Variants in PRORP observed in about 807,000 individuals in gnomAD.
The protein encoded by PRORP is mitochondrial ribonuclease P catalytic subunit.
PRORP carries 51 observed loss-of-function variants against 59.4 expected under a neutral mutation model. The ratio of observed to expected loss-of-function variants is 0.86; its 90% CI spans 0.69 to 1.08. The LOEUF (loss-of-function observed/expected upper bound fraction) is 1.08. Ranked by LOEUF, PRORP falls within the 50% of genes least tolerant of loss-of-function variation. The pLI, the probability that PRORP is intolerant of heterozygous loss-of-function variation, is 0.00. For missense variants in PRORP, 646 were observed against 690.3 expected (o/e 0.94, Z 0.72); for synonymous variants, 231 against 245.6 (o/e 0.94, Z 0.55).
chr14:35,199,702 A>G (rs1191553196), intron 5 of PRORP, among the ~76,000 whole-genome samples: 2 of 152,208 alleles, frequency 1.3e-5, no homozygotes, highest in African/African-American at 4.8e-5. Context: ...TGTTCTTTAT[A>G]AATTACCTAG....
chr14:35,176,125 G>A (rs1306769686), intron 4 of PRORP, among the ~76,000 whole-genome samples: 3 of 152,174 alleles, frequency 2.0e-5, no homozygotes, highest in African/African-American at 4.8e-5. Context: ...CCAGTACCAT[G>A]CTGTTTTGGT....
intron 5 of PRORP, among the ~76,000 whole-genome samples, chr14:35,197,085 A>G (rs2049027206): frequency 6.6e-6 from 1 of 152,210 alleles, no homozygotes; most frequent in Non-Finnish European, 1.5e-5. Flanking sequence ...TTTGAACAGC[A>G]TTAAAAACAC....
At chr14:35,126,694 A>C (rs1371677873) in intron 2 of PRORP, 41 bp from the exon 3 acceptor site, 1 of 1,498,666 alleles carries the variant, frequency 6.7e-7, no homozygotes, top group East Asian at 2.3e-5. Flanking sequence ...TTCAGTAGGA[A>C]TCTAACCTTC....
chr14:35,131,722 T>A (rs1274648807), intron 4 of PRORP, among the ~76,000 whole-genome samples: 1 of 151,908 alleles, frequency 6.6e-6, no homozygotes, highest in Non-Finnish European at 1.5e-5. Flanking sequence ...AGAGACAGGG[T>A]TTCACTATGT....
intron 5 of PRORP, among the ~76,000 whole-genome samples, chr14:35,238,481 AAC>A (rs1174340040): frequency 6.6e-6 from 1 of 152,168 alleles, no homozygotes; most frequent in African/African-American, 2.4e-5. Context: ...TCACAGGAGA[AAC>A]AGCATTGAAA....
At chr14:35,202,118 C>T (rs963609470) in intron 5 of PRORP, among the ~76,000 whole-genome samples, 4 of 151,520 alleles carry the variant, frequency 2.6e-5, no homozygotes, top group East Asian at 1.9e-4. Context: ...TACAGGCGCC[C>T]GCCACCACGC....
chr14:35,150,208 G>A (rs1455191966), intron 4 of PRORP, among the ~76,000 whole-genome samples: 1 of 152,190 alleles, frequency 6.6e-6, no homozygotes, highest in Admixed American at 6.5e-5. Flanking sequence ...TTGATTTAAA[G>A]TGTAAGACCG....
rs780809453 is a variant in PRORP, at chr14:35,123,855, A to C, written c.610A>C (p.Arg204=). 6.2e-7 allele frequency: 1 copy of C among 1,614,144 alleles called. No individual in the cohort carries two copies. The highest frequency in any genetic ancestry group is 1.3e-5 in the African/African-American group (1 of 75,040). The change falls in exon 2 of 8, where the codon AGA becomes CGA. Residue 204 remains arginine, a synonymous_variant. Transcript: ENST00000534898. ...TGATGTCTTTGAAATTATGAAAGCC[A>C]GATATAAGACTTTAGAACCTAGAGG... The part of the protein sequence containing the change: ...VIDVFEIMKA[R]YKTLEPRGYS...
In PRORP at chr14:35,138,915, C is replaced by T. The variant is rs955259237; in HGVS notation, c.1167+11304C>T. Among the ~76,000 whole-genome samples, 23 of 144,726 alleles carry T rather than the reference C, an allele frequency of 1.6e-4. 1 individual carries two copies. The highest frequency in any genetic ancestry group is 5.1e-4 in the African/African-American group (21 of 40,850). The allele number at this position is 144,726 out of a possible 152,430, so 94.9% of individuals were successfully genotyped here. On this transcript the variant is annotated intron_variant, in intron 4 of 7. Transcript: ENST00000534898. ...ACATGAGTCTCCTGCCTCAGCCTCC[C>T]GAGTGGCTGGGACTACAGGTGCATA...
Position 35,123,432 on chromosome 14 carries a change from G to A in PRORP, c.187G>A (p.Ala63Thr), listed in dbSNP as rs976960809. The change falls in exon 2 of 8, where the codon GCC (alanine) becomes ACC (threonine). Residue 63 changes from alanine to threonine, a missense_variant. Transcript: ENST00000534898. The stretch of plus-strand genomic sequence containing the variant: ...GAATACCAAAGCAACGAATCTGATT[G>A]CCAAGGCCAGATATCTCAGGAAAGA... ...PQNTKATNLI[A>T]KARYLRKDEG... 4.3e-6 allele frequency: 7 copies of A among 1,614,156 alleles called. No individual in the cohort carries two copies. Among genetic ancestry groups the A allele is most frequent in the Non-Finnish European group, 5.9e-6 (7 of 1,180,024 alleles).
At chr14:35,220,864 A>G (rs1237782120) in intron 5 of PRORP, among the ~76,000 whole-genome samples, 7 of 152,154 alleles carry the variant, frequency 4.6e-5, no homozygotes, top group Admixed American at 4.6e-4. Context: ...CTAAGATTAT[A>G]ATCTGGGGGA....
intron 5 of PRORP, among the ~76,000 whole-genome samples, chr14:35,208,997 C>G (rs930558646): frequency 6.6e-6 from 1 of 152,008 alleles, no homozygotes; most frequent in Non-Finnish European, 1.5e-5. Context: ...CACAACTGCA[C>G]TCTAGCCTGG....
chr14:35,245,281 T>C (rs1368038697), intron 5 of PRORP, among the ~76,000 whole-genome samples: 2 of 151,996 alleles, frequency 1.3e-5, no homozygotes, highest in African/African-American at 2.4e-5. Flanking sequence ...TGTCAGGGAG[T>C]ATGGAAACTC....
chr14:35,125,607 C>T (rs928489458), intron 2 of PRORP, among the ~76,000 whole-genome samples: 3 of 152,026 alleles, frequency 2.0e-5, no homozygotes, highest in South Asian at 4.1e-4. Flanking sequence ...ATCATGTTTA[C>T]GGAGCTTTGA....
intron 4 of PRORP, among the ~76,000 whole-genome samples, chr14:35,156,525 G>C (rs1326885799): frequency 1.3e-5 from 2 of 152,202 alleles, no homozygotes; most frequent in African/African-American, 4.8e-5. Context: ...TGAATTAGCA[G>C]ATAACTCAGG....
At chr14:35,241,850 T>C (rs1194808580) in intron 5 of PRORP, among the ~76,000 whole-genome samples, 1 of 152,196 alleles carries the variant, frequency 6.6e-6, no homozygotes, top group Non-Finnish European at 1.5e-5. Flanking sequence ...TTCTTTAATC[T>C]AGAAGATTAA....
At chr14:35,188,191 A>AT (rs35907061) in intron 5 of PRORP, among the ~76,000 whole-genome samples, 47,304 of 110,992 alleles carry the variant, frequency 0.43, 10,010 homozygotes, top group East Asian at 0.7. Flanking sequence ...TTGAGTTGTA[A>AT]TTTTTTTTTT....
intron 5 of PRORP, among the ~76,000 whole-genome samples, chr14:35,208,667 C>G (rs1019314688): frequency 6.6e-6 from 1 of 151,716 alleles, no homozygotes; most frequent in Non-Finnish European, 1.5e-5. Flanking sequence ...GTCAGGAGTT[C>G]GAGACCAGCC....
intron 7 of PRORP, among the ~76,000 whole-genome samples, chr14:35,272,829 C>A (rs1043391991): frequency 8.5e-5 from 13 of 152,294 alleles, no homozygotes; most frequent in Admixed American, 5.2e-4. Flanking sequence ...CTAAAATCCT[C>A]AAATGCTCAA....
Sources: allele counts gnomAD v4.1 joint callset (sites outside exome capture counted in the v4.1 genomes callset), GRCh38; gene constraint gnomAD v4.1.1; transcripts MANE v1.5; gene names NCBI Gene and HGNC (gene_info 2026-07-23, HGNC 2026-07-21).